HSPD1: variants seen among roughly 807,000 people sequenced by gnomAD.
The protein encoded by HSPD1 is 60 kDa heat shock protein, mitochondrial.
HSPD1 carries 3 observed loss-of-function variants against 53.0 expected under a neutral mutation model. That is an observed-to-expected ratio of 0.06 (90% CI 0.03 to 0.15). HSPD1 has a LOEUF of 0.15. HSPD1 is among the 10% of genes least tolerant of loss of function. The probability of loss-of-function intolerance (pLI) is 1.00; values close to 1 mark genes in which losing one functional copy is unlikely to be tolerated. For missense variants in HSPD1, 431 were observed against 694.1 expected (o/e 0.62, Z 4.26); for synonymous variants, 200 against 228.0 (o/e 0.88, Z 1.10).
At chr2:197,498,542 C>A (rs1380660132) in intron 2 of HSPD1, 133 bp downstream of exon 2, 1 of 835,370 alleles carries the variant, frequency 1.2e-6, no homozygotes, top group Non-Finnish European at 2.0e-6. Flanking sequence ...ACCAATACTT[C>A]AGAATTCTTA....
intron 8 of HSPD1, among the ~76,000 whole-genome samples, chr2:197,489,709 T>A (rs1258140126): frequency 2.0e-5 from 3 of 151,954 alleles, no homozygotes; most frequent in Admixed American, 2.0e-4. Flanking sequence ...GTAAAAAAAT[T>A]AGCTGGGCAT....
intron 3 of HSPD1, among the ~76,000 whole-genome samples, chr2:197,496,420 T>C (rs1162717869): frequency 2.0e-5 from 3 of 152,188 alleles, no homozygotes; most frequent in African/African-American, 7.2e-5. Context: ...AATAAATTAG[T>C]ATGCCAATTC....
intron 1 of HSPD1, 73 bp from the exon 2 acceptor site, chr2:197,498,923 G>T: frequency 2.3e-6 from 3 of 1,328,752 alleles, no homozygotes; most frequent in African/African-American, 1.4e-5. Flanking sequence ...GCCCACCTGT[G>T]CAACAGAGCA....
chr2:197,487,762 CTA>C, intron 11 of HSPD1, 94 bp downstream of exon 11: 2 of 998,536 alleles, frequency 2.0e-6, no homozygotes, highest in Non-Finnish European at 3.2e-6. Flanking sequence ...TGCTATTAGA[CTA>C]TTTTTCTGGT....
At position 197,487,966 on chromosome 2, in the gene HSPD1, T is replaced by C; in HGVS notation, c.1461A>G (p.Gly487=). 1.2e-6 allele frequency: 2 copies of C among 1,613,312 alleles called. No individual in the cohort carries two copies. The highest frequency in any genetic ancestry group is 2.2e-5 in the East Asian group (1 of 44,858). The change falls in exon 11 of 12, where the codon GGA becomes GGG. Residue 487 remains glycine (G), a synonymous_variant. Coordinates refer to ENST00000388968, the MANE Select transcript of HSPD1 (RefSeq NM_002156.5). ...GCATAATTTTCTCAACTATCAAAGA[T>C]CCTTCAACACCTGCATTCTTAGCAA... is the stretch of plus-strand genomic sequence containing the variant. ...MTIAKNAGVE[G]SLIVEKIMQS...
chr2:197,490,273 A>G lies in HSPD1; in HGVS notation c.893T>C (p.Val298Ala). Residue 298 changes from valine to alanine, a missense_variant, in exon 8 of 12, where the codon GTG becomes GCG. Around this residue, in one of 2 missense-constraint regions of HSPD1, gnomAD observed 386 missense variants for 657.6 expected, o/e 0.59. Transcript: ENST00000388968. ...LNRLKVGLQVVAVKAPGFGDN... is the reference protein window; with the variant it reads ...LNRLKVGLQVAAVKAPGFGDN... ...ACCAAACCCTGGAGCCTTGACTGCC[A>G]CAACCTGAAGACCAACCTTTAGCCT... 6.2e-7 allele frequency: 1 copy of G among 1,613,900 alleles called. No individual in the cohort carries two copies. The highest frequency in any genetic ancestry group is 8.5e-7 in the Non-Finnish European group (1 of 1,179,820).
chr2:197,488,234 A>C, intron 10 of HSPD1, 83 bp downstream of exon 10: 2 of 1,219,478 alleles, frequency 1.6e-6, no homozygotes, highest in South Asian at 2.5e-5. Context: ...TGAATGTGCT[A>C]TTCCATTTAG....
At chr2:197,497,098 C>G in intron 3 of HSPD1, 42 bp downstream of exon 3, 1 of 1,601,088 alleles carries the variant, frequency 6.2e-7, no homozygotes, top group South Asian at 1.1e-5. Context: ...CCTTAAAGCA[C>G]ACTGAAGTTT....
At chr2:197,487,818 GAAC>G (rs766172676) in intron 11 of HSPD1, 37 bp downstream of exon 11, 9 of 1,556,264 alleles carry the variant, frequency 5.8e-6, no homozygotes, top group Non-Finnish European at 8.0e-6. Flanking sequence ...TTAACAAAAT[GAAC>G]AACAAAAGAA....
In HSPD1 at chr2:197,493,431, G is replaced by C; in HGVS notation, c.762C>G (p.Ile254Met). The C allele has an allele frequency of 6.2e-7, 1 of 1,612,756 alleles. No individual in the cohort carries two copies. Among genetic ancestry groups the C allele is most frequent in the Non-Finnish European group, 8.5e-7 (1 of 1,178,790 alleles). Residue 254 changes from isoleucine to methionine, a missense_variant, in exon 7 of 12, where the codon ATC becomes ATG. Physicochemically the swap from Ile to Met is conservative, Grantham distance 10. Around this residue, in one of 2 missense-constraint regions of HSPD1, gnomAD observed 386 missense variants for 657.6 expected, o/e 0.59. Coordinates refer to ENST00000388968, the MANE Select transcript of HSPD1 (RefSeq NM_002156.5). Reference sequence around the variant, plus strand: ...TTTCAAGAGCAGGTACAATGGACTGGATACTAGAAATTTTCTTTTCACTCA... The same window carrying C: ...TTTCAAGAGCAGGTACAATGGACTGCATACTAGAAATTTTCTTTTCACTCA... ...VLLSEKKISS[I>M]QSIVPALEIA...
upstream of HSPD1, chr2:197,499,929 C>T (rs2106083226): frequency 6.4e-6 from 1 of 155,276 alleles, no homozygotes; most frequent in East Asian, 1.9e-4. Context: ...GCAGGCAGCT[C>T]CCACCCACTT....
At chr2:197,487,807 AT>A (rs1009509773) in intron 11 of HSPD1, 50 bp downstream of exon 11, 10 of 1,482,498 alleles carry the variant, frequency 6.7e-6, no homozygotes, top group Non-Finnish European at 9.4e-6. Context: ...GTGAGGATAC[AT>A]TAACAAAATG....
chr2:197,489,848 C>A (rs559172780), intron 8 of HSPD1, among the ~76,000 whole-genome samples: 6 of 149,884 alleles, frequency 4.0e-5, no homozygotes, highest in South Asian at 2.1e-4. Flanking sequence ...GATCAAGACA[C>A]CCTGTCTCAA....
intron 1 of HSPD1, chr2:197,499,493 A>G (rs999918003): frequency 1.2e-4 from 19 of 153,882 alleles, no homozygotes; most frequent in Admixed American, 1.2e-3. Context: ...GGTTCCCTGA[A>G]GTCGGCCAGG....
chr2:197,490,107 G>A, intron 8 of HSPD1, 90 bp downstream of exon 8: 1 of 953,978 alleles, frequency 1.0e-6, no homozygotes, highest in East Asian at 2.4e-5. Context: ...ACAGATAGTT[G>A]TAGTATCTAA....
intron 7 of HSPD1, among the ~76,000 whole-genome samples, chr2:197,492,356 AT>A (rs2086104416): frequency 6.6e-6 from 1 of 151,830 alleles, no homozygotes; most frequent in Admixed American, 6.6e-5. Context: ...TGCTCTGCTA[AT>A]TTTTATATTT....
chr2:197,497,323 T>C lies in HSPD1; in HGVS notation c.244A>G (p.Lys82Glu). The change falls in exon 3 of 12, where the codon AAG (lysine) becomes GAG (glutamate). Residue 82 changes from lysine to glutamate, a missense_variant. This residue lies in a region of HSPD1 where 386 missense variants were observed against 657.6 expected (regional missense o/e 0.59). Coordinates refer to ENST00000388968, the MANE Select transcript of HSPD1 (RefSeq NM_002156.5). ...KVTKDGVTVA[K>E]SIDLKDKYKN... Reference sequence around the variant, plus strand: ...TATTTATCTTTTAAGTCAATTGACTTTGCAACAGTCACACCATCTTTTGTT... The same window carrying C: ...TATTTATCTTTTAAGTCAATTGACTCTGCAACAGTCACACCATCTTTTGTT... 6.2e-7 allele frequency: 1 copy of C among 1,611,984 alleles called. No homozygotes were observed. The highest frequency in any genetic ancestry group is 1.1e-5 in the South Asian group (1 of 91,048).
rs766477764 is a variant in HSPD1, at chr2:197,487,930, T to C, written c.1497A>G (p.Ser499=). The change falls in exon 11 of 12, where the codon TCA becomes TCG. Residue 499 remains serine (S), a synonymous_variant. Coordinates refer to ENST00000388968, the MANE Select transcript of HSPD1 (RefSeq NM_002156.5). ...LIVEKIMQSS[S]EVGYDAMAGD... ...CAGCCATAGCATCATAACCAACTTCTGAGGAACTTTGCATAATTTTCTCAA... is the reference window on the plus strand; with the variant it reads ...CAGCCATAGCATCATAACCAACTTCCGAGGAACTTTGCATAATTTTCTCAA... The C allele has an allele frequency of 1.9e-6, 3 of 1,613,724 alleles. No individual in the cohort carries two copies. The highest frequency in any genetic ancestry group is 1.1e-5 in the South Asian group (1 of 91,070).
chr2:197,496,017 T>C (rs573387897), intron 3 of HSPD1, among the ~76,000 whole-genome samples: 3 of 152,134 alleles, frequency 2.0e-5, no homozygotes, highest in Non-Finnish European at 4.4e-5. Context: ...TCATGTCCAT[T>C]AGATGATGCA....
Sources: gnomAD v4.1 joint callset for allele counts (sites outside exome capture counted in the v4.1 genomes callset) on GRCh38, gnomAD v4.1.1 for gene constraint, gnomAD v4.1.1 regional missense constraint, MANE v1.5 for transcripts, NCBI Gene and HGNC (gene_info 2026-07-23, HGNC 2026-07-21) for gene names.